Variants in RBL1 observed in about 807,000 individuals in gnomAD.
RBL1 encodes retinoblastoma-like protein 1.
In RBL1, 82 loss-of-function variants were observed where a neutral mutation model predicts 123.0. The ratio of observed to expected loss-of-function variants is 0.67; its 90% CI spans 0.56 to 0.80. The LOEUF (loss-of-function observed/expected upper bound fraction) is 0.80. Ranked by LOEUF, RBL1 falls within the 30% of genes least tolerant of loss-of-function variation. The probability of loss-of-function intolerance (pLI) is 0.00; values close to 1 mark genes in which losing one functional copy is unlikely to be tolerated. For missense variants in RBL1, 1,171 were observed against 1,299.6 expected (o/e 0.90, Z 1.52); for synonymous variants, 405 against 441.3 (o/e 0.92, Z 1.03).
intron 17 of RBL1, chr20:37,022,089 A>G (rs967714352): frequency 1.3e-5 from 2 of 152,226 alleles, no homozygotes; most frequent in Non-Finnish European, 2.9e-5. Flanking sequence ...AGGAGTTTAA[A>G]AACATATGCT....
intron 19 of RBL1, among the ~76,000 whole-genome samples, chr20:37,016,030 T>G (rs1387765717): frequency 6.8e-5 from 10 of 146,418 alleles, no homozygotes; most frequent in Admixed American, 1.4e-4. Context: ...GGTTTTTTTT[T>G]TTTTTTTTTT....
In RBL1 at chr20:37,026,896, G is replaced by A. The variant is rs545111238; in HGVS notation, c.2383-4070C>T. Among the ~76,000 whole-genome samples the A allele has an allele frequency of 1.9e-4, 29 of 150,624 alleles. No homozygotes were observed. The South Asian group carries it at 5.5e-3, about 28-fold the overall frequency. ...TGCGTCCCTGTAATCCCAGCTACTCGGGAGGCTGAGGCAGAGAATTGCTTG... is the reference window on the plus strand; with the variant it reads ...TGCGTCCCTGTAATCCCAGCTACTCAGGAGGCTGAGGCAGAGAATTGCTTG... On this transcript the variant is annotated intron_variant, in intron 16 of 21. Coordinates refer to ENST00000373664, the MANE Select transcript of RBL1 (RefSeq NM_002895.5).
intron 2 of RBL1, among the ~76,000 whole-genome samples, chr20:37,074,833 G>A (rs969020039): frequency 4.6e-5 from 7 of 151,988 alleles, no homozygotes; most frequent in African/African-American, 1.2e-4. Context: ...TCAAAGAAAA[G>A]TTAAACATAG....
chr20:37,051,343 G>A (rs1357528590), intron 11 of RBL1, among the ~76,000 whole-genome samples: 7 of 152,120 alleles, frequency 4.6e-5, no homozygotes, highest in Admixed American at 1.3e-4. Flanking sequence ...ACTACACCTG[G>A]ATAATTTGGT....
chr20:37,009,006 A>G (rs2064114260), intron 19 of RBL1, among the ~76,000 whole-genome samples: 1 of 151,924 alleles, frequency 6.6e-6, no homozygotes, highest in Non-Finnish European at 1.5e-5. Context: ...TTTTTTGTGT[A>G]TAGTCTCTCT....
intron 20 of RBL1, among the ~76,000 whole-genome samples, chr20:37,004,819 G>T (rs542817059): frequency 2.0e-5 from 3 of 151,850 alleles, no homozygotes; most frequent in Non-Finnish European, 4.4e-5. Context: ...CTTGAGGCCA[G>T]GAATTGGAGA....
chr20:37,056,360 T>TC (rs2065007032), intron 9 of RBL1, 102 bp from the exon 10 acceptor site: 3 of 1,317,378 alleles, frequency 2.3e-6, no homozygotes, highest in East Asian at 5.9e-5. Context: ...TCTTTTTTTT[T>TC]TTTTTTTTTT....
intron 3 of RBL1, among the ~76,000 whole-genome samples, chr20:37,067,766 C>CAAAAAAAAA (rs1168742059): frequency 4.8e-5 from 3 of 62,686 alleles, no homozygotes; most frequent in Non-Finnish European, 6.1e-5. Context: ...TGAGACTCCT[C>CAAAAAAAAA]AAAAAAAAAA....
intron 2 of RBL1, among the ~76,000 whole-genome samples, chr20:37,073,705 GAAAA>G (rs796752326): frequency 9.7e-6 from 1 of 103,152 alleles, no homozygotes; most frequent in Non-Finnish European, 1.8e-5. Context: ...CTCAAAAAAA[GAAAA>G]AAAAAAAAAA....
rs543352617 is a variant in RBL1, at chr20:37,083,713, G to A, written c.290+5276C>T. Among the ~76,000 whole-genome samples, 11 of 149,380 alleles carry A rather than the reference G, an allele frequency of 7.4e-5. No homozygotes were observed. In the East Asian group the frequency reaches 1.6e-3, roughly 22 times the overall value. On this transcript the variant is annotated intron_variant, in intron 2 of 21. Transcript: ENST00000373664. The stretch of plus-strand genomic sequence containing the variant: ...CCAGCTACTGGGGAGGCTGAGGCAG[G>A]AGAATCACTTGAACCCAGGAGGAGG...
Position 36,996,848 on chromosome 20 carries a change from A to G in RBL1, c.*1911T>C, listed in dbSNP as rs1234759307. The G allele has an allele frequency of 6.6e-6, 1 of 152,238 alleles. No homozygotes were observed. Among genetic ancestry groups the G allele is most frequent in the Non-Finnish European group, 1.5e-5 (1 of 68,042 alleles). The allele number at this position is 152,238 out of a possible 1,614,324, so 9.4% of individuals were successfully genotyped here. On this transcript the variant is annotated 3_prime_UTR_variant, in exon 22 of 22. Transcript: ENST00000373664. ...ACAAATATGTACAAAGATTCCAGAC[A>G]GACTTTGTTTTTTGGCTTATAACAA...
rs149146951 is a variant in RBL1, at chr20:37,075,791, T to C, written c.291-7605A>G. On this transcript the variant is annotated intron_variant, in intron 2 of 21. Coordinates refer to ENST00000373664, the MANE Select transcript of RBL1 (RefSeq NM_002895.5). ...CTTTTCTAGAGGCAATTTGGCAACATGAATAAAAAGCCTTAAAAATGCTCA... is the reference window on the plus strand; with the variant it reads ...CTTTTCTAGAGGCAATTTGGCAACACGAATAAAAAGCCTTAAAAATGCTCA... Among the ~76,000 whole-genome samples the C allele has an allele frequency of 3.1e-3, 468 of 152,222 alleles. 1 individual carries two copies. Among genetic ancestry groups the C allele is most frequent in the African/African-American group, 0.01 (435 of 41,544 alleles).
At chr20:37,064,672 T>C (rs2065150882) in intron 7 of RBL1, among the ~76,000 whole-genome samples, 1 of 152,046 alleles carries the variant, frequency 6.6e-6, no homozygotes, top group African/African-American at 2.4e-5. Flanking sequence ...TGCAGTGGCA[T>C]GATCTCAGCT....
At chr20:37,029,144 A>C (rs777493516) in intron 16 of RBL1, among the ~76,000 whole-genome samples, 1 of 152,198 alleles carries the variant, frequency 6.6e-6, no homozygotes, top group Non-Finnish European at 1.5e-5. Context: ...CATTTGACAA[A>C]ATTTAACACC....
chr20:37,030,866 A>C (rs1236725623), intron 16 of RBL1, among the ~76,000 whole-genome samples: 5 of 146,920 alleles, frequency 3.4e-5, no homozygotes, highest in East Asian at 2.0e-4. Context: ...AAAAAAAAAA[A>C]AACAAAAACA....
chr20:37,053,149 A>G (rs749628457), intron 11 of RBL1, among the ~76,000 whole-genome samples: 30 of 152,254 alleles, frequency 2.0e-4, no homozygotes, highest in Non-Finnish European at 3.8e-4. Context: ...GGAAATCAGC[A>G]AGAATATAAA....
intron 19 of RBL1, among the ~76,000 whole-genome samples, chr20:37,014,466 G>A (rs6103221): frequency 6.6e-6 from 1 of 152,046 alleles, no homozygotes; most frequent in African/African-American, 2.4e-5. Flanking sequence ...CTGTAACAAT[G>A]GTTGTTTGCT....
intron 20 of RBL1, 94 bp from the exon 21 acceptor site, chr20:37,003,960 AAC>A (rs1226073555): frequency 1.0e-5 from 12 of 1,182,564 alleles, no homozygotes; most frequent in African/African-American, 1.6e-5. Flanking sequence ...CTAGTTAGAA[AAC>A]AGTTATACTG....
At chr20:37,094,636 C>T (rs1337107494) in intron 1 of RBL1, among the ~76,000 whole-genome samples, 7 of 152,100 alleles carry the variant, frequency 4.6e-5, no homozygotes, top group African/African-American at 1.4e-4. Context: ...TTATGCTCGT[C>T]TGGGTTTCTT....
Sources: allele counts gnomAD v4.1 joint callset (sites outside exome capture counted in the v4.1 genomes callset), GRCh38; gene constraint gnomAD v4.1.1; transcripts MANE v1.5; gene names NCBI Gene and HGNC (gene_info 2026-07-23, HGNC 2026-07-21).